NR2C1: variants seen among roughly 807,000 people sequenced by gnomAD.
NR2C1 encodes the protein TR2 nuclear hormone receptor.
NR2C1 carries 33 observed loss-of-function variants against 74.8 expected under a neutral mutation model. That is an observed-to-expected ratio of 0.44 (90% CI 0.33 to 0.59). The LOEUF (loss-of-function observed/expected upper bound fraction) is 0.59. Among genes scored for constraint, NR2C1 ranks in the 20% least tolerant of loss-of-function variants. NR2C1 has a pLI of 0.02. For synonymous variants in NR2C1, 225 were observed against 240.6 expected (o/e 0.94, Z 0.60); for missense variants, 568 against 715.6 (o/e 0.79, Z 2.35).
chr12:95,045,741 G>C (rs1756257407), intron 9 of NR2C1, among the ~76,000 whole-genome samples: 1 of 152,064 alleles, frequency 6.6e-6, no homozygotes, highest in South Asian at 2.1e-4. Flanking sequence ...ATGGGAATAT[G>C]ATCTACCATA....
At chr12:95,038,795 C>T (rs1871168183) in intron 10 of NR2C1, among the ~76,000 whole-genome samples, 1 of 152,132 alleles carries the variant, frequency 6.6e-6, no homozygotes, top group African/African-American at 2.4e-5. Context: ...TACCCCACCC[C>T]TCAGTAGTGT....
intron 13 of NR2C1, among the ~76,000 whole-genome samples, chr12:95,023,633 T>A (rs1287942728): frequency 6.6e-6 from 1 of 152,170 alleles, no homozygotes; most frequent in Non-Finnish European, 1.5e-5. Context: ...AGTGCTGTTG[T>A]GAGGATGAAT....
chr12:95,044,987 T>C (rs940434765), intron 9 of NR2C1, among the ~76,000 whole-genome samples: 5 of 152,186 alleles, frequency 3.3e-5, no homozygotes, highest in Non-Finnish European at 7.3e-5. Context: ...GATCATTGCT[T>C]GTGGCCAGGA....
chr12:95,028,558 TTGTC>T (rs1327053037), intron 11 of NR2C1, 34 bp from the exon 12 acceptor site: 2 of 1,365,620 alleles, frequency 1.5e-6, no homozygotes, highest in Non-Finnish European at 2.0e-6. Context: ...CTTCTAGTGT[TTGTC>T]TAAAATGAAC....
chr12:95,042,905 TG>T (rs1871759593), intron 9 of NR2C1, among the ~76,000 whole-genome samples: 1 of 124,530 alleles, frequency 8.0e-6, no homozygotes, highest in Non-Finnish European at 1.6e-5. Context: ...AAGACCGGCC[TG>T]GGCAACATAA....
At chr12:95,039,259 TTATTC>T (rs1279750573) in intron 10 of NR2C1, among the ~76,000 whole-genome samples, 3 of 152,234 alleles carry the variant, frequency 2.0e-5, no homozygotes, top group Non-Finnish European at 4.4e-5. Context: ...AAATATGCCT[TTATTC>T]AATTCTCTGT....
intron 11 of NR2C1, among the ~76,000 whole-genome samples, chr12:95,029,493 C>G (rs530330374): frequency 6.6e-6 from 1 of 151,222 alleles, no homozygotes; most frequent in Non-Finnish European, 1.5e-5. Context: ...GTTTATGGCA[C>G]TTGGCTTGTT....
intron 11 of NR2C1, among the ~76,000 whole-genome samples, chr12:95,029,348 G>C (rs1334466812): frequency 6.6e-6 from 1 of 151,950 alleles, no homozygotes; most frequent in African/African-American, 2.4e-5. Flanking sequence ...CCCAAAGTGT[G>C]AGCCACTGTG....
chr12:95,053,891 G>T (rs1475751059), intron 7 of NR2C1, among the ~76,000 whole-genome samples: 1 of 151,998 alleles, frequency 6.6e-6, no homozygotes, highest in Non-Finnish European at 1.5e-5. Flanking sequence ...CACTGTGTTA[G>T]CCAGGACAGT....
At chr12:95,054,622 C>G (rs987799177) in intron 7 of NR2C1, among the ~76,000 whole-genome samples, 1 of 152,170 alleles carries the variant, frequency 6.6e-6, no homozygotes, top group African/African-American at 2.4e-5. Context: ...ATGTTAAGCA[C>G]TGCCCCAAGA....
At chr12:95,062,474 T>A (rs966860589) in intron 3 of NR2C1, 34 bp downstream of exon 3, 1 of 1,445,496 alleles carries the variant, frequency 6.9e-7, no homozygotes, top group African/African-American at 1.4e-5. Flanking sequence ...TTTTTATATA[T>A]GTAAGAGGAA....
chr12:95,036,413 T>TA (rs1870837279), intron 10 of NR2C1, among the ~76,000 whole-genome samples: 1 of 147,764 alleles, frequency 6.8e-6, no homozygotes, highest in South Asian at 2.2e-4. Flanking sequence ...CTCTAGTTTT[T>TA]AAAAAAGCAT....
At chr12:95,027,507 C>T (rs540950208) in intron 12 of NR2C1, among the ~76,000 whole-genome samples, 3 of 152,220 alleles carry the variant, frequency 2.0e-5, no homozygotes, top group South Asian at 2.1e-4. Context: ...GAGGCCGAGG[C>T]GGGTAGATCA....
intron 1 of NR2C1, chr12:95,072,715 T>C (rs1372014013): frequency 6.6e-6 from 1 of 152,276 alleles, no homozygotes; most frequent in African/African-American, 2.4e-5. Flanking sequence ...GAATTATTTC[T>C]TAACAAAAGA....
chr12:95,065,473 A>G (rs950294499), intron 2 of NR2C1, among the ~76,000 whole-genome samples: 3 of 152,042 alleles, frequency 2.0e-5, no homozygotes, highest in African/African-American at 7.2e-5. Context: ...AATTTTTTTA[A>G]ATTTATTTTT....
intron 12 of NR2C1, among the ~76,000 whole-genome samples, chr12:95,025,525 G>C (rs1328339252): frequency 6.6e-6 from 1 of 151,752 alleles, no homozygotes; most frequent in Non-Finnish European, 1.5e-5. Flanking sequence ...AGGCATGGTG[G>C]CGCATGCCTG....
chr12:95,054,712 T>C (rs1873571474), intron 7 of NR2C1, among the ~76,000 whole-genome samples: 1 of 152,236 alleles, frequency 6.6e-6, no homozygotes, highest in Admixed American at 6.5e-5. Flanking sequence ...TAGAAGCTTA[T>C]ATAGTCTCTT....
intron 1 of NR2C1, among the ~76,000 whole-genome samples, chr12:95,072,017 G>C (rs1234759702): frequency 1.3e-5 from 2 of 151,432 alleles, no homozygotes; most frequent in East Asian, 3.9e-4. Flanking sequence ...CAAAGTGCTG[G>C]GATTACAGGT....
At chr12:95,032,294 A>T (rs922205431) in intron 10 of NR2C1, among the ~76,000 whole-genome samples, 2 of 152,172 alleles carry the variant, frequency 1.3e-5, no homozygotes, top group African/African-American at 4.8e-5. Context: ...ATAACAAGAG[A>T]TTAGAAAGGT....
Sources: gnomAD v4.1 joint callset for allele counts (sites outside exome capture counted in the v4.1 genomes callset) on GRCh38, gnomAD v4.1.1 for gene constraint, MANE v1.5 for transcripts, NCBI Gene and HGNC (gene_info 2026-07-23, HGNC 2026-07-21) for gene names.